Variants in UTRN observed in about 807,000 individuals in gnomAD.
UTRN encodes dystrophin-related protein 1.
Under a neutral mutation model 463.9 loss-of-function variants are expected in UTRN, and 283 were observed. The observed-to-expected ratio is 0.61, with a 90% CI of 0.55 to 0.67. The LOEUF (loss-of-function observed/expected upper bound fraction) is 0.67. Among genes scored for constraint, UTRN ranks in the 30% least tolerant of loss-of-function variants. The pLI is 0.00. For missense variants in UTRN, 3,922 were observed against 4,084.3 expected (o/e 0.96, Z 1.08); for synonymous variants, 1,442 against 1,431.5 (o/e 1.01, Z -0.17).
intron 2 of UTRN, among the ~76,000 whole-genome samples, chr6:144,307,141 A>T (rs959753120): frequency 6.6e-6 from 1 of 152,146 alleles, no homozygotes; most frequent in Non-Finnish European, 1.5e-5. Flanking sequence ...TGACCCTAAA[A>T]TGAGCATCTG....
chr6:144,663,548 C>T (rs1302140393), intron 51 of UTRN, among the ~76,000 whole-genome samples: 3 of 152,046 alleles, frequency 2.0e-5, no homozygotes, highest in Admixed American at 2.0e-4. Flanking sequence ...GTGTAATGGC[C>T]AATTTTAGCT....
intron 22 of UTRN, among the ~76,000 whole-genome samples, chr6:144,462,136 C>CACT (rs974984863): frequency 1.3e-5 from 2 of 152,138 alleles, no homozygotes; most frequent in African/African-American, 2.4e-5. Context: ...ATTCAGCTCC[C>CACT]ACTTATAAGT....
chr6:144,419,634 C>A (rs568688721), intron 3 of UTRN, among the ~76,000 whole-genome samples: 78 of 152,298 alleles, frequency 5.1e-4, no homozygotes, highest in Admixed American at 8.5e-4. Context: ...AACAAACCTG[C>A]ATATGAACTC....
intron 65 of UTRN, among the ~76,000 whole-genome samples, chr6:144,804,108 GCTGT>G (rs1157105225): frequency 2.1e-4 from 32 of 151,982 alleles, no homozygotes; most frequent in African/African-American, 7.5e-4. Flanking sequence ...TATTCATCAA[GCTGT>G]CTATTTTCTT....
chr6:144,344,106 A>AC, intron 2 of UTRN: 1 of 1,159,664 alleles, frequency 8.6e-7, no homozygotes, highest in Middle Eastern at 3.9e-4. Flanking sequence ...AAAAAAAAAA[A>AC]AAAACCCAAA....
intron 3 of UTRN, among the ~76,000 whole-genome samples, chr6:144,420,305 T>A (rs1364366856): frequency 1.3e-5 from 2 of 152,234 alleles, no homozygotes; most frequent in Admixed American, 6.5e-5. Flanking sequence ...TATTCTGTAG[T>A]TCTCAGGGCA....
intron 3 of UTRN, among the ~76,000 whole-genome samples, chr6:144,415,910 T>C (rs547827528): frequency 6.6e-6 from 1 of 152,084 alleles, no homozygotes; most frequent in South Asian, 2.1e-4. Flanking sequence ...GGCTGGTGGG[T>C]AGGTTAGAGG....
chr6:144,409,636 A>C (rs970492134), intron 3 of UTRN, among the ~76,000 whole-genome samples: 11 of 152,192 alleles, frequency 7.2e-5, no homozygotes, highest in Admixed American at 4.6e-4. Context: ...AGGGGAGAGA[A>C]TCTCTACCTA....
intron 3 of UTRN, among the ~76,000 whole-genome samples, chr6:144,410,479 C>G (rs541357344): frequency 4.6e-5 from 7 of 152,122 alleles, no homozygotes; most frequent in African/African-American, 1.7e-4. Context: ...TGAGTAAGTT[C>G]TTTAACGGTG....
At chr6:144,471,379 A>G (rs1474507707) in intron 23 of UTRN, among the ~76,000 whole-genome samples, 1 of 152,188 alleles carries the variant, frequency 6.6e-6, no homozygotes, top group Non-Finnish European at 1.5e-5. Context: ...GGCTGAGGAG[A>G]CTATCAGTTT....
intron 59 of UTRN, 38 bp downstream of exon 59, chr6:144,772,006 C>T: frequency 2.8e-6 from 1 of 357,762 alleles, no homozygotes; most frequent in South Asian, 2.9e-5. Context: ...ACCTAAACAA[C>T]TGAGAACCGG....
chr6:144,548,644 T>C lies in UTRN; in HGVS notation c.6600T>C (p.His2200=), dbSNP rs1187606383. Residue 2200 remains histidine (H), a synonymous_variant, in exon 47 of 75, where the codon CAT becomes CAC. Transcript: ENST00000367545. ...TTGCTACATTTTTCATTTCAGCTCA[T>C]CCTAATGTCCAAAAGGTGGTGCTAG... ...SSVSQTRIAA[H]PNVQKVVLVS... 2.5e-6 allele frequency: 4 copies of C among 1,612,916 alleles called. No individual in the cohort carries two copies. The highest frequency in any genetic ancestry group is 2.5e-6 in the Non-Finnish European group (3 of 1,179,344).
In UTRN at chr6:144,499,296, T is replaced by C; in HGVS notation, c.4633T>C (p.Leu1545=). Residue 1545 remains leucine (L), a synonymous_variant, in exon 34 of 75, where the codon TTG becomes CTG. Transcript: ENST00000367545. ...GKQDLERASQ[L]ARKMKKEAAS... ...ACAGGATCTGGAAAGAGCATCACAG[T>C]TGGCCCGGAAAATGAAGAAAGAGGC... is the stretch of plus-strand genomic sequence containing the variant. 6.2e-7 allele frequency: 1 copy of C among 1,613,574 alleles called. No homozygotes were observed. Among genetic ancestry groups the C allele is most frequent in the Non-Finnish European group, 8.5e-7 (1 of 1,179,636 alleles).
At chr6:144,536,801 T>A (rs1797577011) in intron 43 of UTRN, among the ~76,000 whole-genome samples, 2 of 152,044 alleles carry the variant, frequency 1.3e-5, no homozygotes, top group Non-Finnish European at 2.9e-5. Flanking sequence ...ACACATAATC[T>A]TATTTGTCAT....
intron 41 of UTRN, among the ~76,000 whole-genome samples, chr6:144,526,763 A>ATTTTTT (rs1796605436): frequency 1.0e-5 from 1 of 99,402 alleles, no homozygotes; most frequent in African/African-American, 3.9e-5. Flanking sequence ...TTTTTTTTTC[A>ATTTTTT]TTTTGTTATT....
At chr6:144,739,498 T>C (rs945933625) in intron 54 of UTRN, among the ~76,000 whole-genome samples, 3 of 152,178 alleles carry the variant, frequency 2.0e-5, no homozygotes, top group Non-Finnish European at 4.4e-5. Context: ...CTAATGGGTG[T>C]TTTCTCCCAG....
intron 2 of UTRN, among the ~76,000 whole-genome samples, chr6:144,340,404 T>C (rs1777055987): frequency 6.6e-6 from 1 of 152,178 alleles, no homozygotes; most frequent in African/African-American, 2.4e-5. Flanking sequence ...TGTGTACCCT[T>C]CATGGCCAAG....
intron 69 of UTRN, 52 bp downstream of exon 69, chr6:144,828,907 T>C (rs1780424249): frequency 2.5e-6 from 4 of 1,587,810 alleles, no homozygotes; most frequent in Non-Finnish European, 3.5e-6. Context: ...TCTTGTATTA[T>C]GGCTGTCAGA....
At chr6:144,573,466 G>T (rs531508861) in intron 50 of UTRN, among the ~76,000 whole-genome samples, 12 of 152,146 alleles carry the variant, frequency 7.9e-5, no homozygotes, top group Non-Finnish European at 1.6e-4. Flanking sequence ...GGCCGAGGCG[G>T]GCCGATCACC....
Sources: gnomAD v4.1 joint callset for allele counts (sites outside exome capture counted in the v4.1 genomes callset) on GRCh38, gnomAD v4.1.1 for gene constraint, MANE v1.5 for transcripts, NCBI Gene and HGNC (gene_info 2026-07-23, HGNC 2026-07-21) for gene names.